Variants in ZBBX observed in about 807,000 individuals in gnomAD.
ZBBX encodes zinc finger B-box domain-containing protein 1.
Under a neutral mutation model 108.5 loss-of-function variants are expected in ZBBX, and 101 were observed. The ratio of observed to expected loss-of-function variants is 0.93; its 90% CI spans 0.79 to 1.10. The LOEUF is 1.10. Among genes scored for constraint, ZBBX ranks in the 50% least tolerant of loss-of-function variants. The pLI is 0.00. For missense variants in ZBBX, 1,009 were observed against 941.4 expected (o/e 1.07, Z -0.94); for synonymous variants, 356 against 323.4 (o/e 1.10, Z -1.08).
chr3:167,285,847 A>C (rs1013689286), intron 19 of ZBBX, among the ~76,000 whole-genome samples: 3 of 152,114 alleles, frequency 2.0e-5, no homozygotes, highest in Admixed American at 2.0e-4. Context: ...TAATTGGAAA[A>C]CACTTACTGA....
chr3:167,198,514 A>T, the ZBBX span, among the ~76,000 whole-genome samples: 1 of 152,186 alleles, frequency 6.6e-6, no homozygotes, highest in Non-Finnish European at 1.5e-5. Flanking sequence ...AAAATATATT[A>T]ATATAGATCC....
upstream of ZBBX, among the ~76,000 whole-genome samples, chr3:167,383,919 A>G (rs1747824324): frequency 6.6e-6 from 1 of 152,112 alleles, no homozygotes; most frequent in South Asian, 2.1e-4. Context: ...GAATGGGAGC[A>G]TTACATGTTT....
chr3:167,251,516 C>A (rs986966797), intron 20 of ZBBX, among the ~76,000 whole-genome samples: 5 of 152,142 alleles, frequency 3.3e-5, no homozygotes, highest in African/African-American at 7.2e-5. Flanking sequence ...AAGAAGTGAG[C>A]CACACCCCCA....
At chr3:167,307,033 G>T (rs941646668) in intron 16 of ZBBX, among the ~76,000 whole-genome samples, 2 of 152,040 alleles carry the variant, frequency 1.3e-5, no homozygotes, top group Non-Finnish European at 2.9e-5. Flanking sequence ...CTCTCCATAA[G>T]ACACACCCAC....
At chr3:167,228,701 T>G in the ZBBX span, among the ~76,000 whole-genome samples, 1 of 151,818 alleles carries the variant, frequency 6.6e-6, no homozygotes, top group Non-Finnish European at 1.5e-5. Context: ...CATTTGACAA[T>G]ACAGTAGTTA....
intron 20 of ZBBX, among the ~76,000 whole-genome samples, chr3:167,264,820 C>T (rs2108439733): frequency 6.6e-6 from 1 of 152,318 alleles, no homozygotes; most frequent in South Asian, 2.1e-4. Context: ...CTTCTCTTCC[C>T]TTTCTATAGG....
chr3:167,330,945 T>TCTCTCTCTCTCTCTCTCTCTCTCTCTC (rs1738465561), intron 10 of ZBBX, among the ~76,000 whole-genome samples: 6 of 87,202 alleles, frequency 6.9e-5, no homozygotes, highest in Admixed American at 1.4e-4. Context: ...CTCTCTTTCT[T>TCTCTCTCTCTCTCTCTCTCTCTCTCTC]TCTCTCTCTC....
chr3:167,350,315 A>G, intron 9 of ZBBX, 105 bp downstream of exon 9: 3 of 784,290 alleles, frequency 3.8e-6, no homozygotes, highest in Non-Finnish European at 6.0e-6. Context: ...TTTAGAAATT[A>G]GCGTAAATCA....
chr3:167,331,754 T>A (rs148492692), intron 10 of ZBBX: 2 of 286,748 alleles, frequency 7.0e-6, no homozygotes, highest in South Asian at 2.7e-4. Context: ...TGTAAGCACA[T>A]GATATCCCTG....
At chr3:167,336,502 G>A (rs1230680071) in intron 9 of ZBBX, among the ~76,000 whole-genome samples, 1 of 152,140 alleles carries the variant, frequency 6.6e-6, no homozygotes, top group Non-Finnish European at 1.5e-5. Context: ...TACAAAGAAA[G>A]AGAGCAGATA....
rs746158559 is a variant in ZBBX at position 167,282,218 on chromosome 3, GA to G, written c.2254+19del. On this transcript the variant is annotated intron_variant, in intron 20 of 21. Coordinates refer to ENST00000675490, the MANE Select transcript of ZBBX (RefSeq NM_001199201.2). ...AGAGTTAATTAGCATTATCTAAAGTGAAAAAAAAAATAGGATTACCTGCAAG... is the reference window on the plus strand; with the variant it reads ...AGAGTTAATTAGCATTATCTAAAGTGAAAAAAAAATAGGATTACCTGCAAG... 1.5e-3 allele frequency: 2,073 copies of G among 1,396,690 alleles called. No individual in the cohort carries two copies. The highest frequency in any genetic ancestry group is 5.6e-3 in the South Asian group (411 of 73,398). The allele number at this position is 1,396,690 out of a possible 1,614,324, so 86.5% of individuals were successfully genotyped here. A position where few individuals can be genotyped will look rare whatever the true frequency, so the allele number is the denominator to read the frequency against.
intron 18 of ZBBX, among the ~76,000 whole-genome samples, chr3:167,292,140 G>T (rs1009933426): frequency 3.9e-5 from 6 of 152,136 alleles, no homozygotes; most frequent in South Asian, 4.1e-4. Flanking sequence ...ATATTAGACA[G>T]ATCAATGAGA....
rs762503054 is a variant in ZBBX, at chr3:167,365,886, C to T, written c.273G>A (p.Lys91=). Residue 91 remains lysine, a splice_region_variant and synonymous_variant, in exon 6 of 22, where the codon AAG becomes AAA. Coordinates refer to ENST00000675490, the MANE Select transcript of ZBBX (RefSeq NM_001199201.2). ...MMSQNKGNVV[K]FSAGKVKLKL... is the part of the protein sequence containing the mutation. ...TAAGAATCAAATAGTATCTTCTTAC[C>T]TTAACAACATTTCCTTTATTTTGTG... 1.2e-6 allele frequency: 2 copies of T among 1,602,044 alleles called. No homozygotes were observed. The highest frequency in any genetic ancestry group is 3.4e-5 in the Admixed American group (2 of 59,152).
chr3:167,372,525 A>G (rs1184289154), intron 4 of ZBBX, among the ~76,000 whole-genome samples: 3 of 152,204 alleles, frequency 2.0e-5, no homozygotes, highest in African/African-American at 7.2e-5. Context: ...TAGTCTCCCT[A>G]AATTTCAGGG....
At chr3:167,305,575 G>T in intron 17 of ZBBX, 68 bp downstream of exon 17, 2 of 1,187,778 alleles carry the variant, frequency 1.7e-6, no homozygotes, top group Non-Finnish European at 2.2e-6. Context: ...AATGTATTGT[G>T]TCACTAAGAC....
At chr3:167,288,130 T>C (rs1374840069) in intron 19 of ZBBX, among the ~76,000 whole-genome samples, 1 of 152,116 alleles carries the variant, frequency 6.6e-6, no homozygotes, top group Non-Finnish European at 1.5e-5. Flanking sequence ...AAATATATGC[T>C]GAATTACCTG....
At chr3:167,327,584 A>T (rs1737618650) in intron 11 of ZBBX, among the ~76,000 whole-genome samples, 1 of 152,200 alleles carries the variant, frequency 6.6e-6, no homozygotes, top group Admixed American at 6.6e-5. Context: ...GGAGGTAAAT[A>T]AACTAAAGTC....
intron 1 of ZBBX, among the ~76,000 whole-genome samples, chr3:167,400,952 G>T (rs1748406775): frequency 6.6e-6 from 1 of 152,090 alleles, no homozygotes; most frequent in Admixed American, 6.6e-5. Flanking sequence ...TGGGAGGGAG[G>T]TTTGCCCTAA....
the ZBBX span, among the ~76,000 whole-genome samples, chr3:167,224,458 T>C: frequency 5.3e-5 from 8 of 151,908 alleles, no homozygotes; most frequent in African/African-American, 1.7e-4. Flanking sequence ...AGAGAATGGA[T>C]GTTAAGTGTT....
Sources: gnomAD v4.1 joint callset for allele counts (sites outside exome capture counted in the v4.1 genomes callset) on GRCh38, gnomAD v4.1.1 for gene constraint, MANE v1.5 for transcripts, NCBI Gene and HGNC (gene_info 2026-07-23, HGNC 2026-07-21) for gene names.